Variants in TNFRSF13B observed in about 807,000 individuals in gnomAD.
The protein encoded by TNFRSF13B is tumor necrosis factor receptor superfamily member 13B.
TNFRSF13B carries 34 observed loss-of-function variants against 24.0 expected under a neutral mutation model. That is an observed-to-expected ratio of 1.41 (90% confidence interval 1.08 to 1.88). The LOEUF (loss-of-function observed/expected upper bound fraction) is 1.88. Ranked by LOEUF, TNFRSF13B falls within the 40% of genes most tolerant of loss-of-function variation. TNFRSF13B has a pLI of 0.00. For missense variants in TNFRSF13B, 415 were observed against 380.8 expected (o/e 1.09, Z -0.75); for synonymous variants, 173 against 150.3 (o/e 1.15, Z -1.10).
At position 16,955,530 on chromosome 17, in the gene TNFRSF13B, A is replaced by T. The variant is rs142453848; in HGVS notation, c.62-2947T>A. 1.4e-4 allele frequency among the ~76,000 whole-genome samples: 22 copies of T among 152,332 alleles called. 1 individual carries two copies. In the East Asian group the frequency reaches 4.2e-3, roughly 29 times the overall value. On this transcript the variant is annotated intron_variant, in intron 1 of 4. Coordinates refer to ENST00000261652, the MANE Select transcript of TNFRSF13B (RefSeq NM_012452.3). ...GAAAATAAGAGACAAAAGATAGGAG[A>T]TTATGGAATCATTTCAGGAGCTCCG... is the stretch of plus-strand genomic sequence containing the variant.
Position 16,948,751 on chromosome 17 carries a change from T to G in TNFRSF13B, c.432A>C (p.Ser144=), listed in dbSNP as rs1162478485. ...GRYQGLEHRG[S]EASPALPGLK... ...TGGGTGGCTTACCTGGACTTGCTTCTGAGCCTCTGTGCTCCAATCCTTGGT... is the reference window on the plus strand; with the variant it reads ...TGGGTGGCTTACCTGGACTTGCTTCGGAGCCTCTGTGCTCCAATCCTTGGT... The change falls in exon 3 of 5, where the codon TCA becomes TCC. Residue 144 remains serine (S), a synonymous_variant. Transcript: ENST00000261652. 1 of 1,614,092 alleles carries G rather than the reference T, an allele frequency of 6.2e-7. No homozygotes were observed. The highest frequency in any genetic ancestry group is 2.2e-5 in the East Asian group (1 of 44,886).
chr17:16,961,328 G>A (rs1472135313), intron 1 of TNFRSF13B, among the ~76,000 whole-genome samples: 1 of 152,150 alleles, frequency 6.6e-6, no homozygotes, highest in African/African-American at 2.4e-5. Flanking sequence ...AACAGCCAAA[G>A]GTGGAAACAG....
Position 16,972,092 on chromosome 17 carries a change from T to A in TNFRSF13B, c.-17A>T. 6.2e-7 allele frequency: 1 copy of A among 1,613,612 alleles called. No homozygotes were observed. The highest frequency in any genetic ancestry group is 1.1e-5 in the South Asian group (1 of 91,082). On this transcript the variant is annotated 5_prime_UTR_variant, in exon 1 of 5. Coordinates refer to ENST00000261652, the MANE Select transcript of TNFRSF13B (RefSeq NM_012452.3). Reference sequence around the variant, plus strand: ...GCCACTCATTACTCAGGATGCTTATTACTAGTCTTAGATTTGATTAGTGCT... The same window carrying A: ...GCCACTCATTACTCAGGATGCTTATAACTAGTCTTAGATTTGATTAGTGCT...
chr17:16,952,658 CG>C, intron 1 of TNFRSF13B, 75 bp from the exon 2 acceptor site: 2 of 1,604,824 alleles, frequency 1.2e-6, no homozygotes, highest in Non-Finnish European at 1.7e-6. Context: ...GGAACCAAGA[CG>C]GCCTCTCCTG....
intron 1 of TNFRSF13B, among the ~76,000 whole-genome samples, chr17:16,966,052 G>A (rs1030174964): frequency 6.6e-6 from 1 of 151,966 alleles, no homozygotes; most frequent in Non-Finnish European, 1.5e-5. Context: ...TCAGGAGTTC[G>A]AGATCAGTTT....
At chr17:16,966,810 GT>G (rs796527912) in intron 1 of TNFRSF13B, among the ~76,000 whole-genome samples, 12 of 137,978 alleles carry the variant, frequency 8.7e-5, no homozygotes, top group African/African-American at 3.2e-4. Flanking sequence ...ACAACATTTG[GT>G]TTTTTTTGTT....
chr17:16,965,875 T>C (rs1327886785), intron 1 of TNFRSF13B, among the ~76,000 whole-genome samples: 1 of 152,166 alleles, frequency 6.6e-6, no homozygotes, highest in Non-Finnish European at 1.5e-5. Flanking sequence ...ATCATCAAAG[T>C]GTGAAAGGTC....
chr17:16,940,115 G>T, intron 4 of TNFRSF13B: 1 of 1,331,492 alleles, frequency 7.5e-7, no homozygotes, highest in Non-Finnish European at 1.0e-6. Flanking sequence ...CTGAAGACCG[G>T]CACCCCACAC....
At chr17:16,966,307 C>T (rs1443059551) in intron 1 of TNFRSF13B, among the ~76,000 whole-genome samples, 2 of 151,042 alleles carry the variant, frequency 1.3e-5, no homozygotes, top group African/African-American at 4.9e-5. Flanking sequence ...ACAAAAACCC[C>T]AAAACTTCTC....
intron 3 of TNFRSF13B, chr17:16,941,535 C>T (rs1023716435): frequency 4.1e-6 from 4 of 987,510 alleles, no homozygotes; most frequent in Middle Eastern, 2.8e-4. Context: ...GAGCGAGTCC[C>T]ACTTCGTGCC....
At chr17:16,943,127 C>A (rs1053330205) in intron 3 of TNFRSF13B, among the ~76,000 whole-genome samples, 1 of 152,200 alleles carries the variant, frequency 6.6e-6, no homozygotes, top group Non-Finnish European at 1.5e-5. Flanking sequence ...GCATGACAGA[C>A]CCCAAGCAAG....
chr17:16,964,927 TTC>T (rs1345182653), intron 1 of TNFRSF13B, among the ~76,000 whole-genome samples: 1 of 152,044 alleles, frequency 6.6e-6, no homozygotes. Context: ...ACTCTAGACT[TTC>T]TTTTGTAGAT....
intron 1 of TNFRSF13B, among the ~76,000 whole-genome samples, chr17:16,961,013 A>G (rs1339875244): frequency 6.6e-6 from 1 of 152,238 alleles, no homozygotes; most frequent in Non-Finnish European, 1.5e-5. Context: ...GCTCAACATC[A>G]TTAGTCATTA....
At chr17:16,944,442 G>C (rs2087533317) in intron 3 of TNFRSF13B, among the ~76,000 whole-genome samples, 1 of 152,170 alleles carries the variant, frequency 6.6e-6, no homozygotes, top group South Asian at 2.1e-4. Flanking sequence ...GGCTCAGAGA[G>C]GGTCGGTAGC....
In TNFRSF13B at chr17:16,948,731, G is replaced by A. The variant is rs768915966; in HGVS notation, c.445+7C>T. On this transcript the variant is annotated splice_region_variant and intron_variant, in intron 3 of 4. Coordinates refer to ENST00000261652, the MANE Select transcript of TNFRSF13B (RefSeq NM_012452.3). ...GACACCATGCAGGTTTGCCTTGGGT[G>A]GCTTACCTGGACTTGCTTCTGAGCC... 7.1e-5 allele frequency: 115 copies of A among 1,613,594 alleles called. No homozygotes were observed. Among genetic ancestry groups the A allele is most frequent in the Non-Finnish European group, 6.9e-5 (81 of 1,180,046 alleles).
intron 3 of TNFRSF13B, 173 bp from the exon 4 acceptor site, chr17:16,940,684 G>T: frequency 6.8e-7 from 1 of 1,471,276 alleles, no homozygotes; most frequent in Non-Finnish European, 9.0e-7. Flanking sequence ...CCTGGAGGAA[G>T]TTGATCCACT....
Position 16,940,500 on chromosome 17 carries a change from G to T in TNFRSF13B, c.457C>A (p.Leu153Met), listed in dbSNP as rs2087502442. Reference protein sequence around the residue: ...GSEASPALPGLKLSADQVALV... With the variant: ...GSEASPALPGMKLSADQVALV... Reference sequence around the variant, plus strand: ...GCCACCTGATCTGCACTCAGCTTCAGCCCCGGGAGAGCTGCAAGACAGCAT... The same window carrying T: ...GCCACCTGATCTGCACTCAGCTTCATCCCCGGGAGAGCTGCAAGACAGCAT... The change falls in exon 4 of 5, where the codon CTG becomes ATG. Residue 153 changes from leucine to methionine, a missense_variant. By Grantham distance (15) the Leu-to-Met change is conservative. Transcript: ENST00000261652. The T allele has an allele frequency of 6.2e-7, 1 of 1,613,420 alleles. No individual in the cohort carries two copies. The highest frequency in any genetic ancestry group is 1.1e-5 in the South Asian group (1 of 91,078).
intron 1 of TNFRSF13B, among the ~76,000 whole-genome samples, chr17:16,955,114 C>G (rs1006741430): frequency 6.6e-6 from 1 of 152,250 alleles, no homozygotes; most frequent in Non-Finnish European, 1.5e-5. Flanking sequence ...CCTGATCCCA[C>G]TGGGGCAAAG....
chr17:16,940,840 C>T lies in TNFRSF13B; in HGVS notation c.446-329G>A, dbSNP rs1192689299. 14 of 1,250,400 alleles carry T rather than the reference C, an allele frequency of 1.1e-5. No individual in the cohort carries two copies. In the East Asian group the frequency reaches 5.9e-4, roughly 52 times the overall value. The allele number at this position is 1,250,400 out of a possible 1,614,324, so 77.5% of individuals were successfully genotyped here. ...ATCGACAGACGAACAGACGATGCTC[C>T]AGGGAGCATGTCTCTGTGCATCCTG... is the stretch of plus-strand genomic sequence containing the variant. On this transcript the variant is annotated intron_variant, in intron 3 of 4. Transcript: ENST00000261652.
Sources: gnomAD v4.1 joint callset for allele counts (sites outside exome capture counted in the v4.1 genomes callset) on GRCh38, gnomAD v4.1.1 for gene constraint, MANE v1.5 for transcripts, NCBI Gene and HGNC (gene_info 2026-07-23, HGNC 2026-07-21) for gene names.